ULK4: variants seen among roughly 807,000 people sequenced by gnomAD.
The protein encoded by ULK4 is unc-51 like kinase 4, also known as inactive serine/threonine-protein kinase ULK4.
A neutral mutation model predicts 160.6 loss-of-function variants in ULK4; 133 were observed. That is an observed-to-expected ratio of 0.83 (90% confidence interval 0.72 to 0.96). The LOEUF (loss-of-function observed/expected upper bound fraction) is 0.96. Among genes scored for constraint, ULK4 ranks in the 40% least tolerant of loss-of-function variants. The pLI, the probability that ULK4 is intolerant of heterozygous loss-of-function variation, is 0.00. For missense variants in ULK4, 1,580 were observed against 1,499.5 expected, an observed-to-expected ratio of 1.05 and a Z score of -0.89; for synonymous variants, 534 against 539.8, an observed-to-expected ratio of 0.99 and a Z score of 0.15.
At chr3:41,891,326 G>A (rs1208661035) in intron 16 of ULK4, among the ~76,000 whole-genome samples, 4 of 126,462 alleles carry the variant, frequency 3.2e-5, no homozygotes, top group Non-Finnish European at 5.3e-5. Context: ...AGGAAGGGAC[G>A]GGACAAGACG....
chr3:41,555,578 G>A (rs2087260510), intron 32 of ULK4, among the ~76,000 whole-genome samples: 1 of 152,166 alleles, frequency 6.6e-6, no homozygotes, highest in Non-Finnish European at 1.5e-5. Context: ...TGGTGGGAGT[G>A]TAAATGAATT....
At chr3:41,749,052 T>C (rs1299599990) in intron 22 of ULK4, among the ~76,000 whole-genome samples, 2 of 152,254 alleles carry the variant, frequency 1.3e-5, no homozygotes, top group Admixed American at 6.5e-5. Flanking sequence ...TGCGATTTTA[T>C]GATATGTTAG....
intron 32 of ULK4, among the ~76,000 whole-genome samples, chr3:41,516,757 A>G: frequency 6.6e-6 from 1 of 152,216 alleles, no homozygotes; most frequent in South Asian, 2.1e-4. Context: ...AATAAATAAG[A>G]CCTACTATTT....
At chr3:41,841,606 C>A (rs1216491355) in intron 17 of ULK4, among the ~76,000 whole-genome samples, 3 of 152,118 alleles carry the variant, frequency 2.0e-5, no homozygotes, top group Non-Finnish European at 4.4e-5. Flanking sequence ...TCTGCCAGGC[C>A]GCCCCATCTG....
intron 33 of ULK4, among the ~76,000 whole-genome samples, chr3:41,456,566 T>C (rs1477610853): frequency 6.6e-6 from 1 of 152,226 alleles, no homozygotes; most frequent in Non-Finnish European, 1.5e-5. Context: ...GTTTTTACAT[T>C]GTGTGTCTTC....
chr3:41,861,121 T>C (rs924516403), intron 17 of ULK4, among the ~76,000 whole-genome samples: 1 of 152,038 alleles, frequency 6.6e-6, no homozygotes, highest in African/African-American at 2.4e-5. Flanking sequence ...GAAAAATTGA[T>C]ACAGTTATTA....
intron 31 of ULK4, among the ~76,000 whole-genome samples, chr3:41,575,677 G>A (rs2088163775): frequency 6.6e-6 from 1 of 152,198 alleles, no homozygotes; most frequent in African/African-American, 2.4e-5. Flanking sequence ...CATTCCAGCT[G>A]GCACAGAAGG....
intron 32 of ULK4, among the ~76,000 whole-genome samples, chr3:41,516,739 A>T (rs2085762120): frequency 6.6e-6 from 1 of 152,170 alleles, no homozygotes; most frequent in African/African-American, 2.4e-5. Flanking sequence ...ATGAGTACCA[A>T]AAAACAGAAT....
intron 35 of ULK4, among the ~76,000 whole-genome samples, chr3:41,370,591 T>C (rs1465691533): frequency 6.6e-6 from 1 of 152,072 alleles, no homozygotes; most frequent in East Asian, 1.9e-4. Flanking sequence ...AGGGAAGCCA[T>C]GAGGGACTGT....
At chr3:41,496,491 G>A (rs566876865) in intron 32 of ULK4, among the ~76,000 whole-genome samples, 1 of 152,040 alleles carries the variant, frequency 6.6e-6, no homozygotes, top group African/African-American at 2.4e-5. Context: ...CATGGTGACA[G>A]GGTCCAAGTA....
At chr3:41,805,639 T>C (rs2125612344) in intron 19 of ULK4, among the ~76,000 whole-genome samples, 2 of 151,578 alleles carry the variant, frequency 1.3e-5, no homozygotes, top group African/African-American at 4.8e-5. Context: ...ATAGCTCTTA[T>C]TATTTTGAGA....
At chr3:41,261,884 C>T (rs780058761) in intron 35 of ULK4, among the ~76,000 whole-genome samples, 4 of 152,190 alleles carry the variant, frequency 2.6e-5, no homozygotes, top group Admixed American at 6.5e-5. Context: ...GATGGAGGTC[C>T]GTCTTTGCTG....
intron 34 of ULK4, among the ~76,000 whole-genome samples, chr3:41,431,852 C>G (rs1380882743): frequency 6.8e-6 from 1 of 148,078 alleles, no homozygotes; most frequent in Non-Finnish European, 1.5e-5. Context: ...TGCAGTGGCG[C>G]GATCTCGGTT....
chr3:41,564,925 C>T (rs34804384), intron 32 of ULK4, among the ~76,000 whole-genome samples: 1 of 152,256 alleles, frequency 6.6e-6, no homozygotes, highest in South Asian at 2.1e-4. Context: ...ATATTAAGTG[C>T]CCTATACAGG....
At chr3:41,730,724 A>G (rs1357551927) in intron 22 of ULK4, among the ~76,000 whole-genome samples, 1 of 152,214 alleles carries the variant, frequency 6.6e-6, no homozygotes, top group Non-Finnish European at 1.5e-5. Context: ...AAAGTACTCC[A>G]AAAAATTGAA....
intron 22 of ULK4, among the ~76,000 whole-genome samples, chr3:41,737,815 G>T (rs74732658): frequency 0.013 from 1,949 of 151,976 alleles, 39 homozygotes; most frequent in Non-Finnish European, 0.018. Flanking sequence ...TGATAAATAA[G>T]TTTGGGCCCA....
intron 18 of ULK4, among the ~76,000 whole-genome samples, chr3:41,828,150 A>G (rs2041435363): frequency 6.8e-6 from 1 of 146,452 alleles, no homozygotes; most frequent in African/African-American, 2.6e-5. Flanking sequence ...GACCTATCTC[A>G]AAATAATAAG....
intron 32 of ULK4, among the ~76,000 whole-genome samples, chr3:41,495,200 A>G (rs948972464): frequency 6.6e-6 from 1 of 152,182 alleles, no homozygotes; most frequent in Non-Finnish European, 1.5e-5. Context: ...ACAGTAACCA[A>G]AACAGCATGG....
chr3:41,676,708 G>C (rs111539410), intron 29 of ULK4, among the ~76,000 whole-genome samples: 112 of 152,204 alleles, frequency 7.4e-4, no homozygotes, highest in African/African-American at 2.6e-3. Context: ...ACATGTCTGT[G>C]AAATAAGATA....
Sources: gnomAD v4.1 joint callset for allele counts (sites outside exome capture counted in the v4.1 genomes callset) on GRCh38, gnomAD v4.1.1 for gene constraint, MANE v1.5 for transcripts, NCBI Gene and HGNC (gene_info 2026-07-23, HGNC 2026-07-21) for gene names.